Variants in TBC1D22A observed in about 807,000 individuals in gnomAD.
TBC1D22A encodes the protein putative GTPase activator.
A neutral mutation model predicts 60.2 loss-of-function variants in TBC1D22A; 38 were observed. That is an observed-to-expected ratio of 0.63 (90% CI 0.49 to 0.83). TBC1D22A has a LOEUF of 0.83. Among genes scored for constraint, TBC1D22A ranks in the 40% least tolerant of loss-of-function variants. The probability of loss-of-function intolerance (pLI) is 0.00; values close to 1 mark genes in which losing one functional copy is unlikely to be tolerated. For missense variants in TBC1D22A, 628 were observed against 701.0 expected (o/e 0.90, Z 1.18); for synonymous variants, 302 against 281.7 (o/e 1.07, Z -0.72).
chr22:46,802,486 A>G (rs1458371264), intron 4 of TBC1D22A, among the ~76,000 whole-genome samples: 1 of 152,178 alleles, frequency 6.6e-6, no homozygotes, highest in Admixed American at 6.5e-5. Context: ...ATAGAGCTTC[A>G]TGTGCTTGAG....
At chr22:47,073,319 G>A (rs1003660546) in intron 11 of TBC1D22A, among the ~76,000 whole-genome samples, 3 of 152,196 alleles carry the variant, frequency 2.0e-5, no homozygotes, top group Non-Finnish European at 4.4e-5. Context: ...AGTCTATTTT[G>A]TGCCGCTGGC....
At chr22:46,817,716 A>G (rs1601993467) in intron 4 of TBC1D22A, among the ~76,000 whole-genome samples, 1 of 152,228 alleles carries the variant, frequency 6.6e-6, no homozygotes, top group African/African-American at 2.4e-5. Context: ...CAGTAAACAT[A>G]TGTGTGTGCA....
At chr22:47,033,912 C>T (rs2062570071) in intron 10 of TBC1D22A, among the ~76,000 whole-genome samples, 1 of 152,116 alleles carries the variant, frequency 6.6e-6, no homozygotes, top group Non-Finnish European at 1.5e-5. Context: ...TTCTGGGGGC[C>T]AGTGTCTCTT....
At chr22:46,904,518 G>T (rs1470756539) in intron 7 of TBC1D22A, among the ~76,000 whole-genome samples, 1 of 151,702 alleles carries the variant, frequency 6.6e-6, no homozygotes, top group Admixed American at 6.6e-5. Flanking sequence ...GTCCAGGCTG[G>T]AGTGCAGTGG....
At chr22:46,794,370 G>A (rs564954079) in intron 3 of TBC1D22A, among the ~76,000 whole-genome samples, 8 of 152,336 alleles carry the variant, frequency 5.3e-5, no homozygotes, top group South Asian at 2.1e-4. Context: ...GGTCGGCCAC[G>A]TTTGCACTCT....
intron 10 of TBC1D22A, among the ~76,000 whole-genome samples, chr22:47,025,610 G>A (rs1269832963): frequency 6.6e-6 from 1 of 152,222 alleles, no homozygotes; most frequent in East Asian, 1.9e-4. Flanking sequence ...ACTTAGAAAC[G>A]TATAGTACTT....
chr22:47,095,078 T>A (rs374745265), intron 11 of TBC1D22A, among the ~76,000 whole-genome samples: 1 of 152,268 alleles, frequency 6.6e-6, no homozygotes, highest in East Asian at 1.9e-4. Context: ...CTACAGCCCA[T>A]GCCGTAAACG....
chr22:47,041,004 C>T (rs1377979579), intron 11 of TBC1D22A, among the ~76,000 whole-genome samples: 1 of 152,204 alleles, frequency 6.6e-6, no homozygotes, highest in Non-Finnish European at 1.5e-5. Flanking sequence ...TCCTCACACA[C>T]ATCCTGTGCA....
At chr22:47,082,522 T>TC (rs1410197421) in intron 11 of TBC1D22A, among the ~76,000 whole-genome samples, 1 of 152,116 alleles carries the variant, frequency 6.6e-6, no homozygotes, top group African/African-American at 2.4e-5. Context: ...ATATAAAAAC[T>TC]CCTATAGCTA....
intron 12 of TBC1D22A, among the ~76,000 whole-genome samples, chr22:47,162,026 T>A (rs931777283): frequency 2.6e-5 from 4 of 152,254 alleles, no homozygotes; most frequent in African/African-American, 7.2e-5. Flanking sequence ...ATTTTGCCAG[T>A]TCCTTTAAGG....
chr22:46,763,782 T>G (rs1395040876), intron 1 of TBC1D22A: 3 of 152,214 alleles, frequency 2.0e-5, no homozygotes, highest in African/African-American at 7.2e-5. Flanking sequence ...ACTTTGGAAT[T>G]TACTGCATCC....
chr22:46,804,335 A>G (rs2085036897), intron 4 of TBC1D22A, among the ~76,000 whole-genome samples: 1 of 152,242 alleles, frequency 6.6e-6, no homozygotes, highest in South Asian at 2.1e-4. Context: ...AAAGTTAGAG[A>G]AATGGAAAAG....
chr22:46,899,972 C>T (rs375372190), intron 7 of TBC1D22A, among the ~76,000 whole-genome samples: 3 of 152,006 alleles, frequency 2.0e-5, no homozygotes, highest in South Asian at 2.1e-4. Context: ...CTGCATCTAT[C>T]GAAACATTTG....
chr22:47,086,113 G>A (rs1292030578), intron 11 of TBC1D22A, among the ~76,000 whole-genome samples: 2 of 152,190 alleles, frequency 1.3e-5, no homozygotes, highest in African/African-American at 4.8e-5. Context: ...GTAGCCCAGC[G>A]CTCTTCTGGG....
chr22:47,108,892 T>G (rs983359879), intron 11 of TBC1D22A, among the ~76,000 whole-genome samples: 12 of 152,190 alleles, frequency 7.9e-5, no homozygotes, highest in African/African-American at 2.7e-4. Flanking sequence ...AGTCGGGGTT[T>G]CACCGTGTTA....
intron 11 of TBC1D22A, among the ~76,000 whole-genome samples, chr22:47,055,215 T>G (rs981223357): frequency 6.6e-6 from 1 of 152,226 alleles, no homozygotes; most frequent in Non-Finnish European, 1.5e-5. Flanking sequence ...CTCCCACAAG[T>G]CTTTCTCTTT....
At chr22:46,825,341 A>C (rs1284606209) in intron 4 of TBC1D22A, among the ~76,000 whole-genome samples, 1 of 151,984 alleles carries the variant, frequency 6.6e-6, no homozygotes, top group Admixed American at 6.6e-5. Context: ...AGCTCCCCTC[A>C]CCAGCACAGG....
At chr22:47,006,020 A>G (rs753890549) in intron 10 of TBC1D22A, among the ~76,000 whole-genome samples, 2 of 152,068 alleles carry the variant, frequency 1.3e-5, no homozygotes, top group East Asian at 1.9e-4. Flanking sequence ...ATGCACAAAC[A>G]CACCCCTATA....
At chr22:46,818,948 C>T (rs1024145995) in intron 4 of TBC1D22A, among the ~76,000 whole-genome samples, 31 of 152,180 alleles carry the variant, frequency 2.0e-4, no homozygotes, top group Non-Finnish European at 5.9e-5. Context: ...AGGTCCTTCA[C>T]ATCCCTTGTT....
Sources: allele counts gnomAD v4.1 joint callset (sites outside exome capture counted in the v4.1 genomes callset), GRCh38; gene constraint gnomAD v4.1.1; transcripts MANE v1.5; gene names NCBI Gene and HGNC (gene_info 2026-07-23, HGNC 2026-07-21).